The following SLC45A2 variants were observed in gnomAD, a reference collection of about 807,000 sequenced individuals.
The protein encoded by SLC45A2 is solute carrier family 45 member 2.
Under a neutral mutation model 45.5 loss-of-function variants are expected in SLC45A2, and 36 were observed. The observed-to-expected ratio is 0.79, with a 90% CI of 0.61 to 1.04. The LOEUF is 1.04. Ranked by LOEUF, SLC45A2 falls within the 50% of genes least tolerant of loss-of-function variation. SLC45A2 has a pLI of 0.00. For missense variants in SLC45A2, 719 were observed against 671.0 expected (o/e 1.07, Z -0.79); for synonymous variants, 306 against 269.3 (o/e 1.14, Z -1.33).
intron 2 of SLC45A2, 132 bp downstream of exon 2, chr5:33,982,104 G>A (rs1753093549): frequency 1.3e-5 from 13 of 971,390 alleles, no homozygotes; most frequent in South Asian, 1.1e-4. Flanking sequence ...GACAGTGCCC[G>A]CATGACGGGA....
chr5:33,948,103 G>A (rs1277000692), intron 5 of SLC45A2, among the ~76,000 whole-genome samples: 1 of 152,152 alleles, frequency 6.6e-6, no homozygotes. Context: ...GTTGTTGCCA[G>A]GATCAAGTGA....
At chr5:33,972,688 A>G (rs1752822954) in intron 2 of SLC45A2, 1 of 153,026 alleles carries the variant, frequency 6.5e-6, no homozygotes, top group African/African-American at 2.4e-5. Flanking sequence ...AGTTAAAGAA[A>G]ATACTATACG....
intron 2 of SLC45A2, among the ~76,000 whole-genome samples, chr5:33,976,482 A>G (rs759563974): frequency 6.6e-6 from 1 of 152,214 alleles, no homozygotes; most frequent in African/African-American, 2.4e-5. Flanking sequence ...TTAGGGCTGG[A>G]CTGTTTATCT....
chr5:33,972,033 C>T (rs1752794938), intron 2 of SLC45A2: 1 of 468,386 alleles, frequency 2.1e-6, no homozygotes, highest in African/African-American at 2.0e-5. Flanking sequence ...TGAGCCACCA[C>T]ACCTGGCCAG....
intron 3 of SLC45A2, among the ~76,000 whole-genome samples, chr5:33,959,699 G>T (rs574442528): frequency 1.3e-5 from 2 of 152,174 alleles, no homozygotes; most frequent in African/African-American, 4.8e-5. Context: ...AGGTTGATGC[G>T]CTGTGGCAAC....
chr5:33,971,720 G>T (rs1223943656), intron 2 of SLC45A2, among the ~76,000 whole-genome samples: 8 of 152,174 alleles, frequency 5.3e-5, no homozygotes, highest in Admixed American at 5.2e-4. Context: ...TCCACCTTCT[G>T]GGTTCAAGCG....
intron 2 of SLC45A2, among the ~76,000 whole-genome samples, chr5:33,966,077 G>A (rs1752593436): frequency 6.6e-6 from 1 of 152,144 alleles, no homozygotes; most frequent in South Asian, 2.1e-4. Context: ...GAAGAATATA[G>A]AGCAGAAGAC....
intron 2 of SLC45A2, among the ~76,000 whole-genome samples, chr5:33,980,134 T>C (rs146830379): frequency 1.6e-3 from 232 of 147,342 alleles, no homozygotes; most frequent in Non-Finnish European, 2.7e-3. Flanking sequence ...AGATTCAAGT[T>C]AGGAAAATGA....
chr5:33,951,629 G>A lies in SLC45A2; in HGVS notation c.1081C>T (p.Leu361Phe). Reference sequence around the variant, plus strand: ...ACCTCGACTCCTCTTTCGTAGATGAGAAACTCTGTGGAGTTGTGTGCACTA... The same window carrying A: ...ACCTCGACTCCTCTTTCGTAGATGAAAAACTCTGTGGAGTTGTGTGCACTA... ...PYSAHNSTEF[L>F]IYERGVEVGC... is the part of the protein sequence containing the mutation. The change falls in exon 5 of 7, where the codon CTC (leucine) becomes TTC (phenylalanine). Residue 361 changes from leucine (L) to phenylalanine (F), a missense_variant. Coordinates refer to ENST00000296589, the MANE Select transcript of SLC45A2 (RefSeq NM_016180.5). The A allele has an allele frequency of 6.2e-7, 1 of 1,614,192 alleles. No homozygotes were observed. Among genetic ancestry groups the A allele is most frequent in the East Asian group, 2.2e-5 (1 of 44,876 alleles).
chr5:33,961,724 T>C (rs1752463317), intron 3 of SLC45A2, among the ~76,000 whole-genome samples: 1 of 152,222 alleles, frequency 6.6e-6, no homozygotes, highest in South Asian at 2.1e-4. Context: ...TCGACAGCGC[T>C]GAATGCTGCC....
chr5:33,957,010 T>G (rs1579541822), intron 3 of SLC45A2, among the ~76,000 whole-genome samples: 3 of 152,326 alleles, frequency 2.0e-5, no homozygotes, highest in African/African-American at 7.2e-5. Context: ...AGGCCCCGAT[T>G]CCTTAATTTA....
At chr5:33,946,627 G>A (rs371184116) in intron 6 of SLC45A2, 3 of 1,008,434 alleles carry the variant, frequency 3.0e-6, no homozygotes, top group Non-Finnish European at 3.6e-6. Context: ...TACCACCCAT[G>A]ATTCCAGCTT....
intron 3 of SLC45A2, among the ~76,000 whole-genome samples, chr5:33,961,125 C>T (rs1752442481): frequency 6.6e-6 from 1 of 152,134 alleles, no homozygotes; most frequent in African/African-American, 2.4e-5. Flanking sequence ...AAAGAATGCA[C>T]AAGTGAATGA....
chr5:33,971,383 G>A, intron 2 of SLC45A2: 1 of 480,538 alleles, frequency 2.1e-6, no homozygotes, highest in African/African-American at 2.0e-5. Flanking sequence ...CCATAAACAG[G>A]AAAAACACTC....
intron 5 of SLC45A2, 119 bp from the exon 6 acceptor site, chr5:33,947,493 G>A (rs1751973173): frequency 2.1e-6 from 2 of 953,504 alleles, no homozygotes; most frequent in Non-Finnish European, 3.3e-6. Flanking sequence ...ACTGAGCCAG[G>A]AACAAAAGAA....
Position 33,963,523 on chromosome 5 carries a change from T to C in SLC45A2, c.888+168A>G, listed in dbSNP as rs1170421367. 3.4e-5 allele frequency: 24 copies of C among 715,458 alleles called. 1 individual carries two copies. Among genetic ancestry groups the C allele is most frequent in the Non-Finnish European group, 5.6e-5 (24 of 429,134 alleles). 44.3% of individuals were successfully genotyped at this position (715,458 alleles called of 1,614,324 possible). On this transcript the variant is annotated intron_variant, in intron 3 of 6. Transcript: ENST00000296589. ...AAAATGCAGACATTTTTCTTTGAGA[T>C]ATAAAATTTTAATTCCAAGGGATGA...
chr5:33,964,110 G>T, intron 2 of SLC45A2, 94 bp from the exon 3 acceptor site: 2 of 1,263,796 alleles, frequency 1.6e-6, no homozygotes, highest in East Asian at 5.0e-5. Flanking sequence ...AAAACTCCCT[G>T]AAGACAGCAG....
At chr5:33,967,226 G>T (rs1310805200) in intron 2 of SLC45A2, among the ~76,000 whole-genome samples, 4 of 152,196 alleles carry the variant, frequency 2.6e-5, no homozygotes, top group Non-Finnish European at 5.9e-5. Context: ...ATTATTCTGA[G>T]GGCTGAGACC....
At chr5:33,946,221 C>T (rs964455508) in intron 6 of SLC45A2, 1 of 985,424 alleles carries the variant, frequency 1.0e-6, no homozygotes, top group Non-Finnish European at 1.2e-6. Flanking sequence ...CAGCAACATC[C>T]CACCTTGGTG....
Sources: allele counts gnomAD v4.1 joint callset (sites outside exome capture counted in the v4.1 genomes callset), GRCh38; gene constraint gnomAD v4.1.1; transcripts MANE v1.5; gene names NCBI Gene and HGNC (gene_info 2026-07-23, HGNC 2026-07-21).